Variants in SANBR observed in about 807,000 individuals in gnomAD.
SANBR encodes SANT and BTB domain regulator of class switch recombination.
In SANBR, 77 loss-of-function variants were observed where a neutral mutation model predicts 101.8. That is an observed-to-expected ratio of 0.76 (90% confidence interval 0.63 to 0.91). The LOEUF (loss-of-function observed/expected upper bound fraction) is 0.91. Among genes scored for constraint, SANBR ranks in the 40% least tolerant of loss-of-function variants. The probability of loss-of-function intolerance (pLI) is 0.00; values close to 1 mark genes in which losing one functional copy is unlikely to be tolerated. For synonymous variants in SANBR, 279 were observed against 274.7 expected, an observed-to-expected ratio of 1.02 and a Z score of -0.15; for missense variants, 875 against 853.0, an observed-to-expected ratio of 1.03 and a Z score of -0.32.
intron 20 of SANBR, among the ~76,000 whole-genome samples, chr2:61,132,289 G>C (rs1684712288): frequency 6.6e-6 from 1 of 152,178 alleles, no homozygotes. Flanking sequence ...CGTGTATCCA[G>C]AATGTATAAA....
chr2:61,088,497 A>G (rs960560715), intron 10 of SANBR, 29 bp downstream of exon 10: 7 of 1,301,542 alleles, frequency 5.4e-6, no homozygotes, highest in Non-Finnish European at 7.5e-6. Flanking sequence ...ACATACATGT[A>G]TTTTTGTATA....
intron 5 of SANBR, among the ~76,000 whole-genome samples, chr2:61,076,187 G>T (rs1222142649): frequency 2.0e-5 from 3 of 150,862 alleles, no homozygotes; most frequent in Non-Finnish European, 4.4e-5. Context: ...TAGAGACGGG[G>T]TTTCACCATG....
chr2:61,121,203 T>A lies in SANBR; in HGVS notation c.2047T>A (p.Ser683Thr). 6.4e-7 allele frequency: 1 copy of A among 1,551,118 alleles called. No homozygotes were observed. Among genetic ancestry groups the A allele is most frequent in the Non-Finnish European group, 8.7e-7 (1 of 1,146,516 alleles). Residue 683 changes from serine (S) to threonine (T), a missense_variant, in exon 21 of 22, where the codon TCC becomes ACC. By Grantham distance (58) the Ser-to-Thr change is moderately conservative. Transcript: ENST00000402291. The part of the protein sequence containing the change: ...EAKEFAGGIY[S>T]RLEAQIKASV... ...TCTGCAGTTTGCAGGAGGTATTTAT[T>A]CCAGGCTGGAAGCACAAATCAAGGC... is the stretch of plus-strand genomic sequence containing the variant.
chr2:61,125,566 C>T (rs1323251556), downstream of SANBR, among the ~76,000 whole-genome samples: 2 of 152,180 alleles, frequency 1.3e-5, no homozygotes, highest in Non-Finnish European at 2.9e-5. Flanking sequence ...AACTGAAGGA[C>T]AGTAAGTGAA....
At chr2:61,092,632 G>GC (rs1559104625) in intron 11 of SANBR, 45 bp downstream of exon 11, 1 of 1,436,052 alleles carries the variant, frequency 7.0e-7, no homozygotes. Context: ...AATATTGAGA[G>GC]CAAGATTATT....
chr2:61,110,587 G>A (rs1683783072), intron 16 of SANBR, among the ~76,000 whole-genome samples: 1 of 152,208 alleles, frequency 6.6e-6, no homozygotes, highest in Non-Finnish European at 1.5e-5. Flanking sequence ...GCTGAGGTGG[G>A]AGAACTGCTT....
chr2:61,124,168 A>G lies in SANBR; in HGVS notation c.*2006A>G, dbSNP rs1022658160. 5 of 982,330 alleles carry G rather than the reference A, an allele frequency of 5.1e-6. No homozygotes were observed. In the African/African-American group the frequency reaches 5.2e-5, roughly 10 times the overall value. 60.9% of individuals were successfully genotyped at this position (982,330 alleles called of 1,614,324 possible). ...TGTTATACATAGCACTGGTACCGCA[A>G]ACATTTTACTTAAACTCTTAATAGC... is the stretch of plus-strand genomic sequence containing the variant. On this transcript the variant is annotated 3_prime_UTR_variant, in exon 22 of 22. Transcript: ENST00000402291.
rs555946187 is a variant in SANBR, at chr2:61,076,552, C to T, written c.432-368C>T. ...CTGAGGCAGGAGAATGGCATGAACC[C>T]GGGAGGCGGAGCTTACAGTGAGCCG... is the stretch of plus-strand genomic sequence containing the variant. On this transcript the variant is annotated intron_variant, in intron 5 of 21. Transcript: ENST00000402291. 2.8e-3 allele frequency among the ~76,000 whole-genome samples: 423 copies of T among 149,136 alleles called. 3 individuals are homozygous for T. Among genetic ancestry groups the T allele is most frequent in the Non-Finnish European group, 4.7e-3 (314 of 67,372 alleles).
chr2:61,134,669 C>T (rs879323278), intron 21 of SANBR, among the ~76,000 whole-genome samples: 2 of 152,008 alleles, frequency 1.3e-5, no homozygotes, highest in Non-Finnish European at 2.9e-5. Context: ...CCAAGGTGGG[C>T]GGATCACAAC....
At chr2:61,103,109 T>C (rs1016723336) in intron 12 of SANBR, among the ~76,000 whole-genome samples, 1 of 151,846 alleles carries the variant, frequency 6.6e-6, no homozygotes, top group Non-Finnish European at 1.5e-5. Context: ...AATAACATCA[T>C]TGAATCATAA....
chr2:61,112,716 A>G (rs1573655708), intron 16 of SANBR, among the ~76,000 whole-genome samples: 1 of 151,726 alleles, frequency 6.6e-6, no homozygotes, highest in South Asian at 2.1e-4. Flanking sequence ...CTGGTCTCGA[A>G]CTCCTGACCT....
intron 6 of SANBR, among the ~76,000 whole-genome samples, chr2:61,077,382 A>G (rs913054852): frequency 5.9e-5 from 9 of 152,216 alleles, no homozygotes; most frequent in African/African-American, 1.7e-4. Flanking sequence ...TGTATGGTGT[A>G]TGGACCAGTG....
At chr2:61,070,229 T>G (rs1374047061) in intron 2 of SANBR, 113 bp from the exon 3 acceptor site, 3 of 720,940 alleles carry the variant, frequency 4.2e-6, no homozygotes, top group Non-Finnish European at 6.4e-6. Flanking sequence ...GTTTTACTTT[T>G]CCTTTACATG....
At chr2:61,108,490 C>G (rs533674154) in intron 15 of SANBR, 141 bp downstream of exon 15, 4 of 541,856 alleles carry the variant, frequency 7.4e-6, no homozygotes, top group African/African-American at 5.9e-5. Flanking sequence ...CTATTTTGCA[C>G]TTAAGTAAAA....
intron 20 of SANBR, among the ~76,000 whole-genome samples, chr2:61,120,730 A>G (rs1433617560): frequency 6.6e-6 from 1 of 152,204 alleles, no homozygotes; most frequent in Non-Finnish European, 1.5e-5. Flanking sequence ...GTCTCCAAAA[A>G]AAAGGAACAA....
At chr2:61,095,724 A>G (rs1190710292) in intron 11 of SANBR, among the ~76,000 whole-genome samples, 1 of 152,072 alleles carries the variant, frequency 6.6e-6, no homozygotes, top group Non-Finnish European at 1.5e-5. Flanking sequence ...TCTCTCAACA[A>G]GGGCCCACTC....
Position 61,115,330 on chromosome 2 carries a change from G to GTA in SANBR, c.1745-633_1745-632dup, listed in dbSNP as rs927461398. Reference sequence around the variant, plus strand: ...ATTTATTGGCATAAAGTCACTCATCGTATATATATATATATATTTTTTTTT... The same window carrying GTA: ...ATTTATTGGCATAAAGTCACTCATCGTATATATATATATATATATTTTTTTTT... On this transcript the variant is annotated intron_variant, in intron 16 of 21. Transcript: ENST00000402291. Among the ~76,000 whole-genome samples, 591 of 139,314 alleles carry GTA rather than the reference G, an allele frequency of 4.2e-3. 1 individual carries two copies. The highest frequency in any genetic ancestry group is 0.013 in the South Asian group (60 of 4,574). The allele number at this position is 139,314 out of a possible 152,430, so 91.4% of individuals were successfully genotyped here. A position where few individuals can be genotyped will look rare whatever the true frequency, so the allele number is the denominator to read the frequency against.
downstream of SANBR, among the ~76,000 whole-genome samples, chr2:61,126,769 CA>C (rs34858449): frequency 0.41 from 44,841 of 109,042 alleles, 7,847 homozygotes; most frequent in Middle Eastern, 0.47. Flanking sequence ...GCCACTGTCT[CA>C]AAAAAAAAAA....
exon 22 of SANBR, chr2:61,137,799 G>C (rs1469765204): frequency 1.3e-5 from 2 of 152,058 alleles, no homozygotes; most frequent in South Asian, 4.1e-4. Context: ...CTCTGAATTT[G>C]ATGCTTATTA....
Sources: allele counts gnomAD v4.1 joint callset (sites outside exome capture counted in the v4.1 genomes callset), GRCh38; gene constraint gnomAD v4.1.1; transcripts MANE v1.5; gene names NCBI Gene and HGNC (gene_info 2026-07-23, HGNC 2026-07-21).